The following SIAH3 variants were observed in gnomAD, a reference collection of about 807,000 sequenced individuals.
The protein encoded by SIAH3 is seven in absentia homolog 3.
SIAH3 carries 9 observed loss-of-function variants against 12.6 expected under a neutral mutation model. The ratio of observed to expected loss-of-function variants is 0.72; its 90% CI spans 0.43 to 1.25. The LOEUF (loss-of-function observed/expected upper bound fraction) is 1.25, where lower values mean the gene tolerates loss of function less well. SIAH3 is among the 50% of genes most tolerant of loss of function. The pLI is 0.00. For missense variants in SIAH3, 390 were observed against 365.4 expected (o/e 1.07, Z -0.55); for synonymous variants, 154 against 151.1 (o/e 1.02, Z -0.14).
intron 1 of SIAH3, among the ~76,000 whole-genome samples, chr13:45,788,331 C>G (rs776166565): frequency 6.6e-6 from 1 of 152,308 alleles, no homozygotes; most frequent in Non-Finnish European, 1.5e-5. Flanking sequence ...TAATTACTTT[C>G]CTTCACTAAA....
In SIAH3 at chr13:45,834,339, T is replaced by C. The variant is rs11616987; in HGVS notation, c.135+17156A>G. 9.5e-3 allele frequency among the ~76,000 whole-genome samples: 1,451 copies of C among 152,302 alleles called. 12 individuals carry two copies. The highest frequency in any genetic ancestry group is 0.024 in the Middle Eastern group (7 of 294). On this transcript the variant is annotated intron_variant, in intron 1 of 1. Coordinates refer to ENST00000400405, the MANE Select transcript of SIAH3 (RefSeq NM_198849.3). ...CTCTACCAGGGGAAAGAAAAGGCTGTCCGATTGTGAAGGCCCAGCAATCAC... is the reference window on the plus strand; with the variant it reads ...CTCTACCAGGGGAAAGAAAAGGCTGCCCGATTGTGAAGGCCCAGCAATCAC...
At chr13:45,803,474 AG>A (rs1950589248) in intron 1 of SIAH3, among the ~76,000 whole-genome samples, 2 of 152,358 alleles carry the variant, frequency 1.3e-5, no homozygotes, top group Admixed American at 1.3e-4. Context: ...CACAGAGGAA[AG>A]ACAATGAGAA....
intron 1 of SIAH3, among the ~76,000 whole-genome samples, chr13:45,806,239 T>C (rs1950597934): frequency 6.6e-6 from 1 of 152,174 alleles, no homozygotes. Flanking sequence ...GGAAAAGACA[T>C]TGTTCTACCA....
intron 1 of SIAH3, among the ~76,000 whole-genome samples, chr13:45,799,380 T>A (rs1349185901): frequency 6.6e-6 from 1 of 152,188 alleles, no homozygotes; most frequent in Admixed American, 6.5e-5. Flanking sequence ...TGCGTTAAAA[T>A]GTGTTTTAAA....
At chr13:45,806,389 A>C (rs1950598455) in intron 1 of SIAH3, among the ~76,000 whole-genome samples, 1 of 152,180 alleles carries the variant, frequency 6.6e-6, no homozygotes, top group Non-Finnish European at 1.5e-5. Context: ...CACAGCCATA[A>C]AAGTGAATCG....
chr13:45,797,146 GTTT>G lies in SIAH3; in HGVS notation c.136-13092_136-13090del, dbSNP rs55667913. ...CGCAATTCAAATCGTCTCTATGCAG[GTTT>G]TTTTTTTTTTTTAACACAATTCACC... On this transcript the variant is annotated intron_variant, in intron 1 of 1. Transcript: ENST00000400405. Among the ~76,000 whole-genome samples, 295 of 147,724 alleles carry G rather than the reference GTTT, an allele frequency of 2.0e-3. 2 individuals carry two copies. The highest frequency in any genetic ancestry group is 5.7e-3 in the African/African-American group (233 of 40,570).
intron 1 of SIAH3, among the ~76,000 whole-genome samples, chr13:45,844,683 AC>A (rs1213005292): frequency 6.6e-6 from 1 of 152,184 alleles, no homozygotes; most frequent in Non-Finnish European, 1.5e-5. Context: ...TCTCTGGAGA[AC>A]CCTGACTAAT....
intron 1 of SIAH3, among the ~76,000 whole-genome samples, chr13:45,814,855 T>C (rs28670273): frequency 1.3e-5 from 2 of 152,102 alleles, no homozygotes; most frequent in Non-Finnish European, 2.9e-5. Context: ...CCAGAGTAGC[T>C]GGGATTATAG....
At chr13:45,823,532 A>G (rs567238619) in intron 1 of SIAH3, among the ~76,000 whole-genome samples, 2 of 152,296 alleles carry the variant, frequency 1.3e-5, no homozygotes, top group Admixed American at 1.3e-4. Context: ...TCTACCGTTG[A>G]TATGCCTTTC....
intron 1 of SIAH3, among the ~76,000 whole-genome samples, chr13:45,797,180 T>C (rs1371191963): frequency 6.6e-6 from 1 of 151,650 alleles, no homozygotes; most frequent in Non-Finnish European, 1.5e-5. Flanking sequence ...TCACCATGAC[T>C]ACATTTCAAC....
Position 45,783,820 on chromosome 13 carries a change from G to A in SIAH3, c.373C>T (p.Pro125Ser), listed in dbSNP as rs200803310. The stretch of plus-strand genomic sequence containing the variant: ...ACCCTATGGATCTGCCGCAGGTGGG[G>A]CACCACCACCTCCAGGCGGCCTTCC... The part of the protein sequence containing the change: ...QWEGRLEVVV[P>S]HLRQIHRVDI... Residue 125 changes from proline to serine, a missense_variant, in exon 2 of 2, where the codon CCC becomes TCC. Transcript: ENST00000400405. 3 of 1,614,200 alleles carry A rather than the reference G, an allele frequency of 1.9e-6. No homozygotes were observed. The highest frequency in any genetic ancestry group is 2.2e-5 in the East Asian group (1 of 44,876).
intron 1 of SIAH3, among the ~76,000 whole-genome samples, chr13:45,793,670 A>T (rs914434815): frequency 1.3e-5 from 2 of 149,192 alleles, no homozygotes; most frequent in African/African-American, 4.9e-5. Flanking sequence ...TTACCCTAAC[A>T]CAATTCAACC....
rs758491261 is a variant in SIAH3 at position 45,783,929 on chromosome 13, G to T, written c.264C>A (p.His88Gln). The T allele has an allele frequency of 1.6e-5, 25 of 1,609,642 alleles. No homozygotes were observed. Among genetic ancestry groups the T allele is most frequent in the Non-Finnish European group, 2.0e-5 (24 of 1,178,258 alleles). Residue 88 changes from histidine to glutamine, a missense_variant, in exon 2 of 2, where the codon CAC becomes CAA. Transcript: ENST00000400405. Reference protein sequence around the residue: ...HHHLRHHAHPHHLHHQEAGLH... With the variant: ...HHHLRHHAHPQHLHHQEAGLH... Reference sequence around the variant, plus strand: ...GCCCCGCCTCCTGGTGGTGAAGGTGGTGGGGGTGGGCGTGGTGGCGGAGGT... The same window carrying T: ...GCCCCGCCTCCTGGTGGTGAAGGTGTTGGGGGTGGGCGTGGTGGCGGAGGT...
At chr13:45,803,436 T>C (rs1287579915) in intron 1 of SIAH3, among the ~76,000 whole-genome samples, 3 of 151,962 alleles carry the variant, frequency 2.0e-5, no homozygotes, top group East Asian at 1.9e-4. Flanking sequence ...AATGCTATGA[T>C]AGAAATAAGC....
rs909752466 is a variant in SIAH3, at chr13:45,780,902, G to A, written c.*2481C>T. The A allele has an allele frequency of 1.6e-4, 25 of 152,228 alleles. No individual in the cohort carries two copies. The highest frequency in any genetic ancestry group is 6.0e-4 in the African/African-American group (25 of 41,456). 9.4% of individuals were successfully genotyped at this position (152,228 alleles called of 1,614,324 possible). A position where few individuals can be genotyped will look rare whatever the true frequency, so the allele number is the denominator to read the frequency against. On this transcript the variant is annotated 3_prime_UTR_variant, in exon 2 of 2. Coordinates refer to ENST00000400405, the MANE Select transcript of SIAH3 (RefSeq NM_198849.3). ...CAAAGAGCCCTTCAGGAACTGTGAA[G>A]CTCAAATACAAACTGCTGGTACCAT... is the stretch of plus-strand genomic sequence containing the variant.
intron 1 of SIAH3, among the ~76,000 whole-genome samples, chr13:45,829,651 T>C (rs1169833075): frequency 2.0e-5 from 3 of 152,178 alleles, no homozygotes; most frequent in Non-Finnish European, 4.4e-5. Flanking sequence ...GGTTGTCTCA[T>C]GCCACTTCCT....
At chr13:45,842,700 G>A (rs774651761) in intron 1 of SIAH3, among the ~76,000 whole-genome samples, 1 of 152,150 alleles carries the variant, frequency 6.6e-6, no homozygotes, top group Non-Finnish European at 1.5e-5. Context: ...AGGAGAGCAT[G>A]CAGACTCTGG....
intron 1 of SIAH3, among the ~76,000 whole-genome samples, chr13:45,813,850 C>A (rs1271870863): frequency 6.6e-6 from 1 of 152,064 alleles, no homozygotes; most frequent in South Asian, 2.1e-4. Flanking sequence ...ACCCTCATGA[C>A]CTCATCTAAA....
chr13:45,807,082 TA>T (rs1183492013), intron 1 of SIAH3, among the ~76,000 whole-genome samples: 1 of 152,130 alleles, frequency 6.6e-6, no homozygotes, highest in Non-Finnish European at 1.5e-5. Context: ...CTGTTCATAT[TA>T]AAAATAATAC....
Sources: gnomAD v4.1 joint callset for allele counts (sites outside exome capture counted in the v4.1 genomes callset) on GRCh38, gnomAD v4.1.1 for gene constraint, MANE v1.5 for transcripts, NCBI Gene and HGNC (gene_info 2026-07-23, HGNC 2026-07-21) for gene names.